The following CSNK1G3 variants were observed in gnomAD, a reference collection of about 807,000 sequenced individuals.
CSNK1G3 encodes the protein casein kinase I isoform gamma-3.
A neutral mutation model predicts 64.3 loss-of-function variants in CSNK1G3; 23 were observed. That is an observed-to-expected ratio of 0.36 (90% CI 0.26 to 0.51). The LOEUF (loss-of-function observed/expected upper bound fraction) is 0.51. Among genes scored for constraint, CSNK1G3 ranks in the 20% least tolerant of loss-of-function variants. The pLI is 0.96. For missense variants in CSNK1G3, 357 were observed against 510.5 expected (o/e 0.70, Z 2.90); for synonymous variants, 158 against 162.2 (o/e 0.97, Z 0.20).
chr5:123,548,333 C>T (rs948969238), intron 2 of CSNK1G3, among the ~76,000 whole-genome samples: 6 of 151,574 alleles, frequency 4.0e-5, no homozygotes, highest in Admixed American at 2.6e-4. Context: ...ATGGTGTATG[C>T]CTATAGTCCT....
chr5:123,539,387 A>G (rs1393349056), intron 1 of CSNK1G3, among the ~76,000 whole-genome samples: 1 of 150,902 alleles, frequency 6.6e-6, no homozygotes, highest in African/African-American at 2.4e-5. Flanking sequence ...TCAAGGCTGC[A>G]GTGAGCTGTG....
At chr5:123,550,461 C>T (rs1352572230) in intron 2 of CSNK1G3, among the ~76,000 whole-genome samples, 1 of 152,186 alleles carries the variant, frequency 6.6e-6, no homozygotes, top group Non-Finnish European at 1.5e-5. Context: ...GAAAGAGAGG[C>T]AGGCAATGTA....
intron 1 of CSNK1G3, among the ~76,000 whole-genome samples, chr5:123,513,577 T>C (rs559256629): frequency 7.9e-5 from 12 of 152,348 alleles, no homozygotes; most frequent in Middle Eastern, 3.4e-3. Flanking sequence ...AATGTACTTA[T>C]TTTTAATGAA....
chr5:123,575,064 A>G (rs931011604), intron 5 of CSNK1G3, among the ~76,000 whole-genome samples: 19 of 152,214 alleles, frequency 1.2e-4, no homozygotes, highest in African/African-American at 4.6e-4. Flanking sequence ...TATTTGTAAT[A>G]CTCTATTTTA....
chr5:123,579,445 T>C (rs1057105675), intron 6 of CSNK1G3, among the ~76,000 whole-genome samples: 2 of 151,824 alleles, frequency 1.3e-5, no homozygotes, highest in Non-Finnish European at 2.9e-5. Flanking sequence ...ACTTTTGGGG[T>C]TGTGACTTCA....
chr5:123,568,968 G>A (rs909860962), intron 4 of CSNK1G3, among the ~76,000 whole-genome samples: 5 of 152,090 alleles, frequency 3.3e-5, no homozygotes, highest in Admixed American at 1.3e-4. Context: ...ATAACATGAC[G>A]ACATTTAAGA....
At chr5:123,555,501 A>G (rs1237598297) in intron 3 of CSNK1G3, among the ~76,000 whole-genome samples, 4 of 152,194 alleles carry the variant, frequency 2.6e-5, no homozygotes, top group African/African-American at 4.8e-5. Flanking sequence ...TAAAGGCATT[A>G]TTTGATAACC....
chr5:123,567,606 A>T (rs1022099279), intron 4 of CSNK1G3, among the ~76,000 whole-genome samples: 4 of 151,800 alleles, frequency 2.6e-5, no homozygotes, highest in Non-Finnish European at 4.4e-5. Context: ...ACTCCATTTT[A>T]AAAAAAAATA....
chr5:123,575,630 T>C, intron 5 of CSNK1G3, 99 bp from the exon 6 acceptor site: 1 of 694,284 alleles, frequency 1.4e-6, no homozygotes, highest in Non-Finnish European at 2.5e-6. Flanking sequence ...TTCTGATTTA[T>C]TTCTTTTGTA....
At chr5:123,597,114 C>T (rs112382402) in intron 10 of CSNK1G3, among the ~76,000 whole-genome samples, 1 of 151,854 alleles carries the variant, frequency 6.6e-6, no homozygotes, top group Non-Finnish European at 1.5e-5. Flanking sequence ...ACAATATGTT[C>T]TATTAATATT....
intron 10 of CSNK1G3, 133 bp downstream of exon 10, chr5:123,591,547 A>T: frequency 1.8e-6 from 1 of 544,554 alleles, no homozygotes; most frequent in East Asian, 3.3e-5. Flanking sequence ...TCTTAATTTC[A>T]CTGTTTATTA....
chr5:123,526,214 A>G (rs1779039537), intron 1 of CSNK1G3, among the ~76,000 whole-genome samples: 1 of 151,204 alleles, frequency 6.6e-6, no homozygotes. Flanking sequence ...ATTTAATTTA[A>G]TTTATTTATT....
At chr5:123,518,697 C>T (rs1777595061) in intron 1 of CSNK1G3, among the ~76,000 whole-genome samples, 1 of 152,150 alleles carries the variant, frequency 6.6e-6, no homozygotes, top group Non-Finnish European at 1.5e-5. Flanking sequence ...TGGTTGGTTT[C>T]TACTAATCAG....
intron 12 of CSNK1G3, among the ~76,000 whole-genome samples, chr5:123,608,823 G>T (rs972567721): frequency 6.6e-6 from 1 of 152,096 alleles, no homozygotes; most frequent in African/African-American, 2.4e-5. Context: ...AACTTCTAAG[G>T]TGACTCTAAG....
At chr5:123,513,754 A>T (rs946390973) in intron 1 of CSNK1G3, among the ~76,000 whole-genome samples, 6 of 152,204 alleles carry the variant, frequency 3.9e-5, no homozygotes, top group Admixed American at 6.5e-5. Context: ...TTTGAAGAAT[A>T]TTGGCTTTCC....
At chr5:123,526,441 CT>C (rs200044999) in intron 1 of CSNK1G3, among the ~76,000 whole-genome samples, 11 of 150,408 alleles carry the variant, frequency 7.3e-5, no homozygotes, top group African/African-American at 1.2e-4. Flanking sequence ...GAAATATTCT[CT>C]TTTTTTTTAG....
intron 1 of CSNK1G3, among the ~76,000 whole-genome samples, chr5:123,513,545 T>G (rs1242944585): frequency 3.3e-5 from 5 of 152,214 alleles, no homozygotes; most frequent in African/African-American, 4.8e-5. Context: ...TTAAAATATT[T>G]ACTTTAAATT....
chr5:123,538,285 T>A (rs1210008027), intron 1 of CSNK1G3, among the ~76,000 whole-genome samples: 1 of 152,182 alleles, frequency 6.6e-6, no homozygotes. Context: ...TATTTTTTAC[T>A]CCCACCAGCA....
intron 1 of CSNK1G3, among the ~76,000 whole-genome samples, chr5:123,533,211 C>T (rs950218824): frequency 6.6e-6 from 1 of 151,826 alleles, no homozygotes. Flanking sequence ...TATTCTTGCC[C>T]CGTCCTTCCT....
Sources: gnomAD v4.1 joint callset for allele counts (sites outside exome capture counted in the v4.1 genomes callset) on GRCh38, gnomAD v4.1.1 for gene constraint, MANE v1.5 for transcripts, NCBI Gene and HGNC (gene_info 2026-07-23, HGNC 2026-07-21) for gene names.